Variants in CDC14B observed in about 807,000 individuals in gnomAD.
CDC14B encodes the protein cell division cycle 14B.
In CDC14B, 22 loss-of-function variants were observed where a neutral mutation model predicts 64.2. The ratio of observed to expected loss-of-function variants is 0.34; its 90% CI spans 0.24 to 0.49. The LOEUF (loss-of-function observed/expected upper bound fraction) is 0.49, where lower values mean the gene tolerates loss of function less well. Among genes scored for constraint, CDC14B ranks in the 20% least tolerant of loss-of-function variants. The pLI is 0.99. For synonymous variants in CDC14B, 191 were observed against 215.8 expected, an observed-to-expected ratio of 0.89 and a Z score of 1.01; for missense variants, 498 against 629.9, an observed-to-expected ratio of 0.79 and a Z score of 2.24.
intron 9 of CDC14B, among the ~76,000 whole-genome samples, chr9:96,528,615 G>T (rs1837951581): frequency 6.6e-6 from 1 of 152,180 alleles, no homozygotes; most frequent in Admixed American, 6.5e-5. Context: ...TTGTTTCTGA[G>T]CATATAACCA....
At chr9:96,522,465 T>G in intron 12 of CDC14B, 41 bp downstream of exon 12, 1 of 1,305,680 alleles carries the variant, frequency 7.7e-7, no homozygotes. Flanking sequence ...CCCACACACA[T>G]ATGAAGAAAC....
At chr9:96,506,385 T>C (rs1266366686) in intron 13 of CDC14B, among the ~76,000 whole-genome samples, 1 of 152,224 alleles carries the variant, frequency 6.6e-6, no homozygotes, top group Non-Finnish European at 1.5e-5. Context: ...AGGCTACAGC[T>C]TGGCTAACTC....
intron 6 of CDC14B, 70 bp downstream of exon 6, chr9:96,541,756 A>C: frequency 9.7e-7 from 1 of 1,033,870 alleles, no homozygotes; most frequent in South Asian, 2.0e-5. Flanking sequence ...CTCGGGAAGA[A>C]GGCCTAGTTT....
chr9:96,514,997 C>A, intron 12 of CDC14B: 1 of 890,362 alleles, frequency 1.1e-6, no homozygotes, highest in Non-Finnish European at 1.3e-6. Flanking sequence ...TGGAAATGCA[C>A]CAATTTAAAC....
intron 13 of CDC14B, among the ~76,000 whole-genome samples, chr9:96,507,311 G>GAAA (rs541475615): frequency 7.7e-5 from 4 of 52,018 alleles, no homozygotes; most frequent in South Asian, 6.5e-4. Context: ...CATGTCAAAG[G>GAAA]AAAAAAAAAA....
At chr9:96,560,990 G>A (rs776135821) in intron 4 of CDC14B, among the ~76,000 whole-genome samples, 8 of 152,056 alleles carry the variant, frequency 5.3e-5, no homozygotes, top group Non-Finnish European at 1.2e-4. Flanking sequence ...AGGCTGGAGT[G>A]CAGTGGCACG....
intron 1 of CDC14B, among the ~76,000 whole-genome samples, chr9:96,601,351 G>T (rs867459085): frequency 6.6e-6 from 1 of 152,042 alleles, no homozygotes; most frequent in Middle Eastern, 3.2e-3. Flanking sequence ...AGAAAAATTA[G>T]TTGGGCATGG....
At chr9:96,614,913 T>A (rs1414973496) in intron 1 of CDC14B, among the ~76,000 whole-genome samples, 1 of 152,162 alleles carries the variant, frequency 6.6e-6, no homozygotes, top group East Asian at 1.9e-4. Flanking sequence ...CAATCTCAGC[T>A]CACTGCAACT....
At chr9:96,618,339 T>C (rs1847767753) in intron 1 of CDC14B, among the ~76,000 whole-genome samples, 1 of 152,262 alleles carries the variant, frequency 6.6e-6, no homozygotes, top group South Asian at 2.1e-4. Flanking sequence ...CTCTGCTGTT[T>C]ACACAGCGTT....
intron 1 of CDC14B, among the ~76,000 whole-genome samples, chr9:96,585,259 T>G (rs1845393463): frequency 6.6e-6 from 1 of 151,698 alleles, no homozygotes; most frequent in East Asian, 1.9e-4. Flanking sequence ...GTGCAGAACG[T>G]GTATACATGT....
chr9:96,595,020 C>T (rs1178512479), intron 1 of CDC14B, among the ~76,000 whole-genome samples: 4 of 151,844 alleles, frequency 2.6e-5, no homozygotes, highest in Non-Finnish European at 5.9e-5. Context: ...TGTGGTGGCA[C>T]GTGCCTGTAG....
chr9:96,581,228 C>A (rs1299628869), intron 1 of CDC14B, among the ~76,000 whole-genome samples: 1 of 150,266 alleles, frequency 6.7e-6, no homozygotes, highest in Admixed American at 6.6e-5. Flanking sequence ...GAGACTCTGT[C>A]TCAAAAAAGA....
intron 12 of CDC14B, among the ~76,000 whole-genome samples, chr9:96,518,170 A>T (rs1403722475): frequency 6.6e-6 from 1 of 152,110 alleles, no homozygotes; most frequent in Non-Finnish European, 1.5e-5. Flanking sequence ...GAAATGGCTG[A>T]TTTGGCTTAT....
Position 96,534,015 on chromosome 9 carries a change from C to T in CDC14B, c.858G>A (p.Ala286=), listed in dbSNP as rs1388247808. Residue 286 remains alanine, a synonymous_variant, in exon 9 of 14, where the codon GCG becomes GCA. Coordinates refer to ENST00000375241, the MANE Select transcript of CDC14B (RefSeq NM_033331.4). The part of the protein sequence containing the change: ...AGFDHHDLFF[A]DGSTPTDAIV... The stretch of plus-strand genomic sequence containing the variant: ...TGGCATCAGTAGGGGTGCTGCCATC[C>T]GCAAAGAAAAGATCATGGTGATCGA... 1 of 1,612,834 alleles carries T rather than the reference C, an allele frequency of 6.2e-7. No homozygotes were observed. Among genetic ancestry groups the T allele is most frequent in the Non-Finnish European group, 8.5e-7 (1 of 1,179,356 alleles).
chr9:96,566,956 G>C, intron 1 of CDC14B: 1 of 1,484,816 alleles, frequency 6.7e-7, no homozygotes, highest in Non-Finnish European at 9.0e-7. Flanking sequence ...GACACCCCTC[G>C]GCGGCCCAAC....
Position 96,523,581 on chromosome 9 carries a change from A to T in CDC14B, c.1085+6T>A, listed in dbSNP as rs770962688. On this transcript the variant is annotated splice_donor_region_variant and intron_variant, in intron 10 of 13. Transcript: ENST00000375241. ...CTGGGAACTACAGACGTAGGCTACT[A>T]CTTACATCACCAAAAACTGCTGCTG... 3.7e-6 allele frequency: 6 copies of T among 1,614,116 alleles called. No individual in the cohort carries two copies. Among genetic ancestry groups the T allele is most frequent in the Non-Finnish European group, 5.1e-6 (6 of 1,180,012 alleles).
intron 9 of CDC14B, among the ~76,000 whole-genome samples, chr9:96,529,418 C>G (rs1213518072): frequency 6.6e-6 from 1 of 151,424 alleles, no homozygotes; most frequent in Non-Finnish European, 1.5e-5. Context: ...GCTCTCTATC[C>G]TATCACTGGT....
intron 4 of CDC14B, among the ~76,000 whole-genome samples, chr9:96,554,035 G>A (rs1446109545): frequency 6.6e-6 from 1 of 152,010 alleles, no homozygotes. Context: ...ATGGTGGCAG[G>A]CTCCTGTAAC....
chr9:96,580,317 C>T (rs1010791564), intron 1 of CDC14B, among the ~76,000 whole-genome samples: 1 of 151,606 alleles, frequency 6.6e-6, no homozygotes, highest in African/African-American at 2.4e-5. Flanking sequence ...CCGCAACCTC[C>T]GCCTCCCAGG....
Sources: gnomAD v4.1 joint callset for allele counts (sites outside exome capture counted in the v4.1 genomes callset) on GRCh38, gnomAD v4.1.1 for gene constraint, MANE v1.5 for transcripts, NCBI Gene and HGNC (gene_info 2026-07-23, HGNC 2026-07-21) for gene names.